Variants in PFKP observed in about 807,000 individuals in gnomAD.
The protein encoded by PFKP is ATP-dependent 6-phosphofructokinase, platelet type.
A neutral mutation model predicts 94.3 loss-of-function variants in PFKP; 101 were observed. The ratio of observed to expected loss-of-function variants is 1.07; its 90% CI spans 0.91 to 1.26. PFKP has a LOEUF of 1.26. Among genes scored for constraint, PFKP ranks in the 50% most tolerant of loss-of-function variants. PFKP has a pLI of 0.00. For missense variants in PFKP, 1,145 were observed against 1,103.3 expected (o/e 1.04, Z -0.53); for synonymous variants, 573 against 432.6 (o/e 1.32, Z -4.03).
chr10:3,068,201 A>AC (rs1029375120), intron 1 of PFKP, among the ~76,000 whole-genome samples: 11 of 151,456 alleles, frequency 7.3e-5, no homozygotes, highest in Non-Finnish European at 1.5e-4. Context: ...GCCGCACGCC[A>AC]CCCCCTAGAA....
In PFKP at chr10:3,105,401, C is replaced by T; in HGVS notation, c.674C>T (p.Ala225Val). ...TTGCCTTGTCCACATAGGTACCTGGCCCTGGTGAGTGCCTTGGCCTGCGGT... is the reference window on the plus strand; with the variant it reads ...TTGCCTTGTCCACATAGGTACCTGGTCCTGGTGAGTGCCTTGGCCTGCGGT... ...EVMGRHCGYL[A>V]LVSALACGAD... Residue 225 changes from alanine (A) to valine (V), a missense_variant, in exon 7 of 22, where the codon GCC becomes GTC. Coordinates refer to ENST00000381125, the MANE Select transcript of PFKP (RefSeq NM_002627.5). 1 of 1,613,342 alleles carries T rather than the reference C, an allele frequency of 6.2e-7. No homozygotes were observed. Among genetic ancestry groups the T allele is most frequent in the Non-Finnish European group, 8.5e-7 (1 of 1,179,366 alleles).
intron 2 of PFKP, among the ~76,000 whole-genome samples, chr10:3,095,419 G>C (rs981585879): frequency 2.0e-5 from 3 of 152,210 alleles, no homozygotes; most frequent in African/African-American, 7.2e-5. Flanking sequence ...TTCAGAGCCT[G>C]TGGCATGTTC....
At chr10:3,125,887 G>C (rs1837894117) in intron 16 of PFKP, among the ~76,000 whole-genome samples, 1 of 152,218 alleles carries the variant, frequency 6.6e-6, no homozygotes, top group Non-Finnish European at 1.5e-5. Context: ...CTTTGCTGCA[G>C]AGACGGTCCT....
At chr10:3,103,970 G>A (rs888588010) in intron 5 of PFKP, 26 bp downstream of exon 5, 6 of 1,608,224 alleles carry the variant, frequency 3.7e-6, no homozygotes, top group Middle Eastern at 1.7e-4. Flanking sequence ...GAACCGGCGG[G>A]AGGCCAGTGG....
chr10:3,076,198 G>A (rs1027798335), intron 1 of PFKP, among the ~76,000 whole-genome samples: 8 of 152,098 alleles, frequency 5.3e-5, no homozygotes, highest in Non-Finnish European at 1.0e-4. Context: ...CCATGTGGAC[G>A]GGACGCACGT....
intron 21 of PFKP, 112 bp downstream of exon 21, chr10:3,135,950 T>A (rs999680552): frequency 1.6e-5 from 11 of 686,804 alleles, no homozygotes; most frequent in African/African-American, 3.7e-5. Context: ...GGAACTGGCT[T>A]TTCTGAAGCT....
Position 3,129,925 on chromosome 10 carries a change from C to T in PFKP, c.1790C>T (p.Ala597Val), listed in dbSNP as rs1838381881. The T allele has an allele frequency of 1.9e-6, 3 of 1,610,664 alleles. No individual in the cohort carries two copies. The highest frequency in any genetic ancestry group is 1.3e-5 in the African/African-American group (1 of 74,850). ...CGYLANMGGL[A>V]AGADAAYIFE... is the part of the protein sequence containing the mutation. ...TACCTGGCCAACATGGGGGGGCTCG[C>T]GGCCGGAGCTGATGCCGCATACATT... The change falls in exon 17 of 22, where the codon GCG becomes GTG. Residue 597 changes from alanine (A) to valine (V), a missense_variant. Ala to Val is a moderately conservative substitution (Grantham distance 64). Transcript: ENST00000381125.
At chr10:3,067,816 G>T (rs371129323) in intron 1 of PFKP, 109 bp downstream of exon 1, 3 of 469,344 alleles carry the variant, frequency 6.4e-6, no homozygotes, top group Non-Finnish European at 1.1e-5. Context: ...GCGATGGGGG[G>T]GACCCGGGGA....
chr10:3,069,142 C>G, intron 1 of PFKP: 1 of 824,384 alleles, frequency 1.2e-6, no homozygotes. Flanking sequence ...TCCCCAGGCC[C>G]AGCGCCCCCC....
At position 3,077,579 on chromosome 10, in the gene PFKP, T is replaced by TA. The variant is rs558929739; in HGVS notation, c.113-4809_113-4808insA. ...TCGTGCCTGGCCTATTCCTTACTTT[T>TA]TAAAAAAAAAATGCAATTTAGATTT... On this transcript the variant is annotated intron_variant, in intron 1 of 21. Coordinates refer to ENST00000381125, the MANE Select transcript of PFKP (RefSeq NM_002627.5). 3.6e-3 allele frequency among the ~76,000 whole-genome samples: 533 copies of TA among 149,044 alleles called. 6 individuals carry two copies. The highest frequency in any genetic ancestry group is 0.012 in the African/African-American group (506 of 40,910).
At chr10:3,119,485 G>C (rs9423465) in intron 15 of PFKP, among the ~76,000 whole-genome samples, 3 of 152,016 alleles carry the variant, frequency 2.0e-5, no homozygotes, top group South Asian at 2.1e-4. Flanking sequence ...GGTGCCTGTA[G>C]TCCCAGCTAC....
At chr10:3,105,222 C>T in intron 6 of PFKP, 63 bp downstream of exon 6, 21 of 1,482,076 alleles carry the variant, frequency 1.4e-5, no homozygotes, top group Non-Finnish European at 2.0e-5. Flanking sequence ...CATCATCTCC[C>T]TGAGGCTGCA....
chr10:3,120,239 C>G (rs946207312), intron 16 of PFKP, among the ~76,000 whole-genome samples, 195 bp downstream of exon 16: 2 of 152,152 alleles, frequency 1.3e-5, no homozygotes, highest in African/African-American at 4.8e-5. Flanking sequence ...GAGAGTTTTA[C>G]CACCTCTTCT....
chr10:3,096,478 C>T (rs949738743), intron 2 of PFKP, among the ~76,000 whole-genome samples: 4 of 152,146 alleles, frequency 2.6e-5, no homozygotes, highest in African/African-American at 7.2e-5. Context: ...GGTTTACGGC[C>T]GCTCTACATC....
chr10:3,133,073 C>G, intron 18 of PFKP, 130 bp from the exon 19 acceptor site: 1 of 710,450 alleles, frequency 1.4e-6, no homozygotes, highest in Non-Finnish European at 2.6e-6. Flanking sequence ...ACTGGAGGGA[C>G]TGGTGTTGAT....
rs116899185 is a variant in PFKP at position 3,099,212 on chromosome 10, A to T, written c.187-63A>T. 7,176 of 1,264,414 alleles carry T rather than the reference A, an allele frequency of 5.7e-3. 51 individuals are homozygous for T. The highest frequency in any genetic ancestry group is 0.02 in the Middle Eastern group (110 of 5,390). 78.3% of individuals were successfully genotyped at this position (1,264,414 alleles called of 1,614,324 possible). A position where few individuals can be genotyped will look rare whatever the true frequency, so the allele number is the denominator to read the frequency against. ...CATTTTTCCCGTTTTATATAATTTA[A>T]GGATCACTTCCCATTTAGTGAAGTT... On this transcript the variant is annotated intron_variant, in intron 2 of 21. Coordinates refer to ENST00000381125, the MANE Select transcript of PFKP (RefSeq NM_002627.5).
intron 15 of PFKP, 131 bp from the exon 16 acceptor site, chr10:3,119,761 G>C (rs964909729): frequency 6.4e-5 from 43 of 672,702 alleles, no homozygotes; most frequent in Non-Finnish European, 9.7e-5. Context: ...TGTTGATCTC[G>C]GAGTGTTTTC....
chr10:3,071,897 C>T (rs972788453), intron 1 of PFKP, among the ~76,000 whole-genome samples: 5 of 152,230 alleles, frequency 3.3e-5, no homozygotes, highest in Admixed American at 3.3e-4. Context: ...CCCTATTTTA[C>T]ACATGAGCAA....
chr10:3,111,644 T>C (rs1475967795), intron 10 of PFKP, among the ~76,000 whole-genome samples: 1 of 152,074 alleles, frequency 6.6e-6, no homozygotes, highest in African/African-American at 2.4e-5. Context: ...TTTCTCATCT[T>C]ACAGATGAGG....
Sources: gnomAD v4.1 joint callset for allele counts (sites outside exome capture counted in the v4.1 genomes callset) on GRCh38, gnomAD v4.1.1 for gene constraint, MANE v1.5 for transcripts, NCBI Gene and HGNC (gene_info 2026-07-23, HGNC 2026-07-21) for gene names.